ZNF20: variants seen among roughly 807,000 people sequenced by gnomAD.
ZNF20 encodes the protein zinc finger protein 20, also known as zinc finger protein KOX13.
A neutral mutation model predicts 11.0 loss-of-function variants in ZNF20; 9 were observed. That is an observed-to-expected ratio of 0.82 (90% confidence interval 0.49 to 1.43). ZNF20 has a LOEUF of 1.43. Among genes scored for constraint, ZNF20 ranks in the 40% most tolerant of loss-of-function variants. ZNF20 has a pLI of 0.00. For missense variants in ZNF20, 528 were observed against 640.8 expected (o/e 0.82, Z 1.90); for synonymous variants, 182 against 213.0 (o/e 0.85, Z 1.27).
Position 12,133,669 on chromosome 19 carries a change from C to T in ZNF20, c.517G>A (p.Gly173Ser). 3 of 1,614,050 alleles carry T rather than the reference C, an allele frequency of 1.9e-6. No homozygotes were observed. The highest frequency in any genetic ancestry group is 1.7e-6 in the Non-Finnish European group (2 of 1,180,014). Residue 173 changes from glycine (G) to serine (S), a missense_variant, in exon 4 of 4, where the codon GGT becomes AGT. Physicochemically the swap from Gly to Ser is moderately conservative, Grantham distance 56 (BLOSUM62 0). Transcript: ENST00000334213. ...KACTKEKPYD[G>S]KECTETFISH... Reference sequence around the variant, plus strand: ...ATGAAGGTTTCTGTACATTCTTTACCATCATAGGGTTTCTCTTTAGTGCAA... The same window carrying T: ...ATGAAGGTTTCTGTACATTCTTTACTATCATAGGGTTTCTCTTTAGTGCAA...
intron 3 of ZNF20, 88 bp downstream of exon 3, chr19:12,135,412 T>C (rs1316107236): frequency 9.4e-6 from 13 of 1,384,254 alleles, no homozygotes; most frequent in Non-Finnish European, 1.3e-5. Flanking sequence ...AGTGCTGGGA[T>C]TACAGGCGTG....
chr19:12,136,873 T>G lies in ZNF20; in HGVS notation c.4-969A>C, dbSNP rs971530394. ...TACCAGAAGGAACAGGGACAGATGGTTACCTACAGGAGAACAAACAATCTT... is the reference window on the plus strand; with the variant it reads ...TACCAGAAGGAACAGGGACAGATGGGTACCTACAGGAGAACAAACAATCTT... On this transcript the variant is annotated intron_variant, in intron 1 of 3. Coordinates refer to ENST00000334213, the MANE Select transcript of ZNF20 (RefSeq NM_021143.4). 6.7e-6 allele frequency: 3 copies of G among 445,428 alleles called. No individual in the cohort carries two copies. In the Admixed American group the frequency reaches 7.3e-5, roughly 11 times the overall value. 27.6% of individuals were successfully genotyped at this position (445,428 alleles called of 1,614,324 possible).
chr19:12,140,274 C>T lies in ZNF20; in HGVS notation c.-92G>A, dbSNP rs751326061. The T allele has an allele frequency of 4.6e-6, 7 of 1,529,264 alleles. No individual in the cohort carries two copies. The South Asian group carries it at 8.3e-5, about 18-fold the overall frequency. The allele number at this position is 1,529,264 out of a possible 1,614,324, so 94.7% of individuals were successfully genotyped here. ...GGCGGCAGAGCGACAGAAGTTGTGGCAGAGGGACCCGGGGCCTCTCGGAGT... is the reference window on the plus strand; with the variant it reads ...GGCGGCAGAGCGACAGAAGTTGTGGTAGAGGGACCCGGGGCCTCTCGGAGT... On this transcript the variant is annotated 5_prime_UTR_variant, in exon 1 of 4. Transcript: ENST00000334213.
At position 12,140,259 on chromosome 19, in the gene ZNF20, C is replaced by T; in HGVS notation, c.-77G>A. 1 of 1,565,312 alleles carries T rather than the reference C, an allele frequency of 6.4e-7. No individual in the cohort carries two copies. Among genetic ancestry groups the T allele is most frequent in the Non-Finnish European group, 8.7e-7 (1 of 1,153,278 alleles). The stretch of plus-strand genomic sequence containing the variant: ...GCGGGTCACGGTGCAGGCGGCAGAG[C>T]GACAGAAGTTGTGGCAGAGGGACCC... On this transcript the variant is annotated 5_prime_UTR_variant, in exon 1 of 4. Coordinates refer to ENST00000334213, the MANE Select transcript of ZNF20 (RefSeq NM_021143.4).
Position 12,133,078 on chromosome 19 carries a change from T to C in ZNF20, c.1108A>G (p.Lys370Glu), listed in dbSNP as rs528783213. 16 of 1,614,176 alleles carry C rather than the reference T, an allele frequency of 9.9e-6. No individual in the cohort carries two copies. In the East Asian group the frequency reaches 3.6e-4, roughly 36 times the overall value. ...CATCTAAAGCCTTTCCCACACTGCT[T>C]ACATCCATAGGGTTTATCCTCAGTG... ...THTEDKPYGC[K>E]QCGKGFRCAS... The change falls in exon 4 of 4, where the codon AAG becomes GAG. Residue 370 changes from lysine to glutamate, a missense_variant. Physicochemically the swap from Lys to Glu is moderately conservative, Grantham distance 56 (BLOSUM62 1). Coordinates refer to ENST00000334213, the MANE Select transcript of ZNF20 (RefSeq NM_021143.4).
chr19:12,135,538 G>C lies in ZNF20; in HGVS notation c.162C>G (p.Asn54Lys). ...TSVGKTWKVQNIEDEYKNPRR... is the reference protein window; with the variant it reads ...TSVGKTWKVQKIEDEYKNPRR... ...TGGGATTTTTGTACTCATCTTCAAT[G>C]TTCTGAACTTTCCATGTTTTTCCTA... Residue 54 changes from asparagine to lysine, a missense_variant, in exon 3 of 4, where the codon AAC becomes AAG. By Grantham distance (94) the Asn-to-Lys change is moderately conservative. Transcript: ENST00000334213. 1 of 1,613,352 alleles carries C rather than the reference G, an allele frequency of 6.2e-7. No homozygotes were observed. Among genetic ancestry groups the C allele is most frequent in the Non-Finnish European group, 8.5e-7 (1 of 1,179,772 alleles).
chr19:12,139,477 C>G lies in ZNF20; in HGVS notation c.3+703G>C, dbSNP rs1976764239. On this transcript the variant is annotated intron_variant, in intron 1 of 3. Transcript: ENST00000334213. This position sits in a 1 kb window ranked among gnomAD's most constrained non-coding sequence, Gnocchi z 4.0. ...TTAAAACTTTCTGGTACCAAAACCA[C>G]AAATCATGACTGGGCGTTTCTCACT... Among the ~76,000 whole-genome samples, 1 of 152,158 alleles carries G rather than the reference C, an allele frequency of 6.6e-6. No individual in the cohort carries two copies. The highest frequency in any genetic ancestry group is 1.5e-5 in the Non-Finnish European group (1 of 68,032).
Position 12,133,442 on chromosome 19 carries a change from A to C in ZNF20, c.744T>G (p.Thr248=), listed in dbSNP as rs199736853. ...ATTCATCGGCATTCACTCCTGTGTG[A>C]GTTCTTTCATGTACTGGAAGGGTAG... ...RSTTLPVHER[T]HTGVNADECK... The change falls in exon 4 of 4, where the codon ACT becomes ACG. Residue 248 remains threonine (T), a synonymous_variant. Transcript: ENST00000334213. 552 of 1,614,070 alleles carry C rather than the reference A, an allele frequency of 3.4e-4. No homozygotes were observed. Among genetic ancestry groups the C allele is most frequent in the Non-Finnish European group, 4.5e-4 (536 of 1,179,940 alleles).
chr19:12,134,471 T>G (rs1599432416), intron 3 of ZNF20, among the ~76,000 whole-genome samples: 2 of 152,138 alleles, frequency 1.3e-5, no homozygotes, highest in Non-Finnish European at 1.5e-5. Flanking sequence ...GGCGAAACCC[T>G]GTCTCTACTA....
rs149332095 is a variant in ZNF20 at position 12,135,350 on chromosome 19, C to T, written c.200+150G>A. On this transcript the variant is annotated intron_variant, in intron 3 of 3. Transcript: ENST00000334213. ...AGAGACAGGGTTTCACCATATTGGC[C>T]GGGCTGGTCTCGAACTCCTGACCTT... is the stretch of plus-strand genomic sequence containing the variant. 2,081 of 728,032 alleles carry T rather than the reference C, an allele frequency of 2.9e-3. 20 individuals carry two copies. The highest frequency in any genetic ancestry group is 0.028 in the African/African-American group (1,547 of 55,626). The allele number at this position is 728,032 out of a possible 1,614,324, so 45.1% of individuals were successfully genotyped here. A position where few individuals can be genotyped will look rare whatever the true frequency, so the allele number is the denominator to read the frequency against.
intron 3 of ZNF20, among the ~76,000 whole-genome samples, chr19:12,135,247 C>T (rs1436336925): frequency 6.6e-6 from 1 of 151,364 alleles, no homozygotes; most frequent in Non-Finnish European, 1.5e-5. Context: ...TCAAGCAATT[C>T]TCCTGCCTCA....
chr19:12,135,213 C>T (rs1372256039), intron 3 of ZNF20, among the ~76,000 whole-genome samples: 2 of 150,702 alleles, frequency 1.3e-5, no homozygotes, highest in Non-Finnish European at 2.9e-5. Context: ...GATCTCGGCT[C>T]ACTGCAAGCT....
At chr19:12,138,145 T>C (rs970577319) in intron 1 of ZNF20, among the ~76,000 whole-genome samples, 3 of 152,070 alleles carry the variant, frequency 2.0e-5, no homozygotes, top group Non-Finnish European at 4.4e-5. Context: ...CACATCACCC[T>C]GTAAAGTTTT....
At position 12,131,360 on chromosome 19, in the gene ZNF20, C is replaced by T. The variant is rs1455397100; in HGVS notation, c.*1227G>A. ...CAAACATACCCCAAATTTTTCTCTT[C>T]TCACGAAATGTGACTATCTTTTAAT... is the stretch of plus-strand genomic sequence containing the variant. On this transcript the variant is annotated 3_prime_UTR_variant, in exon 4 of 4. Transcript: ENST00000334213. 6.6e-6 allele frequency: 1 copy of T among 152,140 alleles called. No homozygotes were observed. Among genetic ancestry groups the T allele is most frequent in the African/African-American group, 2.4e-5 (1 of 41,422 alleles). 9.4% of individuals were successfully genotyped at this position (152,140 alleles called of 1,614,324 possible). A position where few individuals can be genotyped will look rare whatever the true frequency, so the allele number is the denominator to read the frequency against.
rs1976658873 is a variant in ZNF20, at chr19:12,133,463, G to A, written c.723C>T (p.Thr241=). 6.2e-7 allele frequency: 1 copy of A among 1,613,990 alleles called. No homozygotes were observed. Among genetic ancestry groups the A allele is most frequent in the African/African-American group, 1.3e-5 (1 of 74,932 alleles). ...QCGKAFTRST[T]LPVHERTHTG... ...TGTGAGTTCTTTCATGTACTGGAAG[G>A]GTAGTGGAACGAGTAAAGGCCTTAC... Residue 241 remains threonine, a synonymous_variant, in exon 4 of 4, where the codon ACC becomes ACT. Coordinates refer to ENST00000334213, the MANE Select transcript of ZNF20 (RefSeq NM_021143.4).
Sources: gnomAD v4.1 joint callset for allele counts (sites outside exome capture counted in the v4.1 genomes callset) on GRCh38, gnomAD v4.1.1 for gene constraint, Gnocchi (gnomAD v3.1) non-coding constraint, MANE v1.5 for transcripts, NCBI Gene and HGNC (gene_info 2026-07-23, HGNC 2026-07-21) for gene names.